Variants in PPP1R42 observed in about 807,000 individuals in gnomAD.
PPP1R42 encodes protein phosphatase 1 regulatory subunit 42.
Under a neutral mutation model 31.0 loss-of-function variants are expected in PPP1R42, and 34 were observed. The observed-to-expected ratio is 1.10, with a 90% confidence interval of 0.83 to 1.46. The LOEUF is 1.46. Ranked by LOEUF, PPP1R42 falls within the 40% of genes most tolerant of loss-of-function variation. The pLI is 0.00. For synonymous variants in PPP1R42, 103 were observed against 109.8 expected (o/e 0.94, Z 0.39); for missense variants, 268 against 303.0 (o/e 0.88, Z 0.86).
chr8:66,964,134 A>G lies in PPP1R42; in HGVS notation c.*187T>C, dbSNP rs765783096. 2.4e-6 allele frequency: 1 copy of G among 425,002 alleles called. No individual in the cohort carries two copies. The highest frequency in any genetic ancestry group is 7.1e-5 in the East Asian group (1 of 14,034). The allele number at this position is 425,002 out of a possible 1,614,324, so 26.3% of individuals were successfully genotyped here. On this transcript the variant is annotated 3_prime_UTR_variant, in exon 8 of 8. Transcript: ENST00000685739. ...GTTTTTCCTTATATTATGAGATACC[A>G]TAAAGCTACAAACCCACAAAAGATA...
At chr8:66,997,522 A>G (rs1283599272) in intron 5 of PPP1R42, among the ~76,000 whole-genome samples, 1 of 148,096 alleles carries the variant, frequency 6.8e-6, no homozygotes, top group Non-Finnish European at 1.5e-5. Flanking sequence ...AGGATTACAG[A>G]TGTGAGCCAC....
intron 5 of PPP1R42, among the ~76,000 whole-genome samples, chr8:66,996,775 A>G (rs573005919): frequency 2.9e-4 from 44 of 152,326 alleles, no homozygotes; most frequent in African/African-American, 1.1e-3. Context: ...GCATGGGGTA[A>G]AGGGTGAAGG....
At chr8:67,026,810 A>C (rs1816414763) in intron 1 of PPP1R42, 1 of 152,170 alleles carries the variant, frequency 6.6e-6, no homozygotes, top group African/African-American at 2.4e-5. Flanking sequence ...TCAGCCTGGG[A>C]AACAGAGCAT....
chr8:66,990,360 G>C (rs1281716237), intron 5 of PPP1R42, among the ~76,000 whole-genome samples: 1 of 152,074 alleles, frequency 6.6e-6, no homozygotes, highest in Non-Finnish European at 1.5e-5. Context: ...AATGACCTTC[G>C]ACATACTCCC....
At position 66,985,354 on chromosome 8, in the gene PPP1R42, C is replaced by G. The variant is rs74724675; in HGVS notation, c.670+3046G>C. 7.3e-3 allele frequency: 5,640 copies of G among 770,166 alleles called. 381 individuals carry two copies. In the East Asian group the frequency reaches 0.13, roughly 17 times the overall value. 47.7% of individuals were successfully genotyped at this position (770,166 alleles called of 1,614,324 possible). A position where few individuals can be genotyped will look rare whatever the true frequency, so the allele number is the denominator to read the frequency against. ...TCTTTTAGCTGTTGCTTGAATGGTT[C>G]CCTCCGAAGAGGGAACAGCACGAAT... is the stretch of plus-strand genomic sequence containing the variant. On this transcript the variant is annotated intron_variant, in intron 6 of 7. Transcript: ENST00000685739.
chr8:66,972,346 C>G (rs1277564401), intron 7 of PPP1R42, among the ~76,000 whole-genome samples: 2 of 152,140 alleles, frequency 1.3e-5, no homozygotes, highest in Non-Finnish European at 2.9e-5. Flanking sequence ...TTTTCTGCTG[C>G]AGCTACTCAG....
At chr8:66,985,405 G>A in intron 6 of PPP1R42, 1 of 751,694 alleles carries the variant, frequency 1.3e-6, no homozygotes. Flanking sequence ...CATGCAGTGT[G>A]TCAGCTCAAT....
At chr8:66,992,545 TG>T (rs34059596) in intron 5 of PPP1R42, among the ~76,000 whole-genome samples, 1 of 152,350 alleles carries the variant, frequency 6.6e-6, no homozygotes, top group East Asian at 1.9e-4. Context: ...GAGCTCTCAC[TG>T]GGGAGCAGGA....
chr8:66,981,902 A>G lies in PPP1R42; in HGVS notation c.802+147T>C, dbSNP rs1455297559. 6 of 786,572 alleles carry G rather than the reference A, an allele frequency of 7.6e-6. No individual in the cohort carries two copies. The East Asian group carries it at 1.7e-4, about 22-fold the overall frequency. 48.7% of individuals were successfully genotyped at this position (786,572 alleles called of 1,614,324 possible). ...ACAAGACAAATTGTACTTATGTACA[A>G]CTAAGTAAATAAGTTTTAAAAAACC... On this transcript the variant is annotated intron_variant, in intron 7 of 7. Coordinates refer to ENST00000685739, the MANE Select transcript of PPP1R42 (RefSeq NM_001364910.1).
At chr8:66,985,272 G>T (rs532351120) in intron 6 of PPP1R42, 10 of 957,436 alleles carry the variant, frequency 1.0e-5, no homozygotes, top group South Asian at 1.3e-5. Flanking sequence ...GCTGGGAAGC[G>T]ACAGTGGAGA....
intron 5 of PPP1R42, among the ~76,000 whole-genome samples, chr8:66,998,173 T>A (rs1815387675): frequency 2.0e-5 from 3 of 152,116 alleles, no homozygotes; most frequent in Admixed American, 6.5e-5. Flanking sequence ...CAGAATACAG[T>A]CTGCTAATAC....
At chr8:66,986,319 T>C (rs554375779) in intron 6 of PPP1R42, 5 of 524,228 alleles carry the variant, frequency 9.5e-6, no homozygotes, top group East Asian at 1.0e-4. Flanking sequence ...AAAGGATCCA[T>C]GGTTTCAGCT....
chr8:67,019,024 C>CG (rs1377217137), intron 1 of PPP1R42, among the ~76,000 whole-genome samples: 1 of 146,110 alleles, frequency 6.8e-6, no homozygotes, highest in Non-Finnish European at 1.5e-5. Context: ...TTAATGGAGA[C>CG]GGGGTTTCAC....
chr8:67,017,827 A>G lies in PPP1R42; in HGVS notation c.-80T>C, dbSNP rs527807408. On this transcript the variant is annotated 5_prime_UTR_variant, in exon 2 of 8. Coordinates refer to ENST00000685739, the MANE Select transcript of PPP1R42 (RefSeq NM_001364910.1). Reference sequence around the variant, plus strand: ...GAAGTAGGTTTAGGTATTATTTCCAACTTTCTGAAGATTAAAGAAAAAAGG... The same window carrying G: ...GAAGTAGGTTTAGGTATTATTTCCAGCTTTCTGAAGATTAAAGAAAAAAGG... The G allele has an allele frequency of 9.2e-5, 129 of 1,400,118 alleles. 3 individuals are homozygous for G. Among genetic ancestry groups the G allele is most frequent in the South Asian group, 6.7e-4 (34 of 50,586 alleles). 86.7% of individuals were successfully genotyped at this position (1,400,118 alleles called of 1,614,324 possible).
chr8:67,020,806 C>T (rs1300586519), intron 1 of PPP1R42, among the ~76,000 whole-genome samples: 5 of 152,154 alleles, frequency 3.3e-5, no homozygotes, highest in Non-Finnish European at 5.9e-5. Context: ...GGAAACATGC[C>T]GGGGGGCGGT....
At position 66,978,523 on chromosome 8, in the gene PPP1R42, C is replaced by T. The variant is rs1033062869; in HGVS notation, c.802+3526G>A. 3.9e-5 allele frequency among the ~76,000 whole-genome samples: 6 copies of T among 152,102 alleles called. No individual in the cohort carries two copies. In the South Asian group the frequency reaches 6.2e-4, roughly 16 times the overall value. Reference sequence around the variant, plus strand: ...CAGCTCACTGCCTCCTGGGTTCAAGCGATTCTCGTGCCTCAGCCTTCCAAG... The same window carrying T: ...CAGCTCACTGCCTCCTGGGTTCAAGTGATTCTCGTGCCTCAGCCTTCCAAG... On this transcript the variant is annotated intron_variant, in intron 7 of 7. Coordinates refer to ENST00000685739, the MANE Select transcript of PPP1R42 (RefSeq NM_001364910.1).
At chr8:67,027,973 GTT>G (rs1296587467) in intron 1 of PPP1R42, among the ~76,000 whole-genome samples, 3 of 151,994 alleles carry the variant, frequency 2.0e-5, no homozygotes, top group African/African-American at 7.2e-5. Context: ...TTTTGTTGTT[GTT>G]TTCCAGCTTT....
Position 67,028,464 on chromosome 8 carries a change from C to G in PPP1R42, c.-85+27G>C. On this transcript the variant is annotated intron_variant, in intron 1 of 7. Transcript: ENST00000685739. ...ATGGTTCTAGGGTTTCCTCGGTCCC[C>G]ACGCTTATTCCCCGCGGGCAGCTCA... The G allele has an allele frequency of 6.1e-6, 6 of 985,270 alleles. No individual in the cohort carries two copies. In the South Asian group the frequency reaches 2.8e-4, roughly 46 times the overall value. The allele number at this position is 985,270 out of a possible 1,614,324, so 61.0% of individuals were successfully genotyped here.
At chr8:67,009,154 C>T (rs1815773091) in intron 5 of PPP1R42, among the ~76,000 whole-genome samples, 1 of 152,158 alleles carries the variant, frequency 6.6e-6, no homozygotes, top group Admixed American at 6.5e-5. Context: ...TCTGTAGTCC[C>T]AGCTACTCGG....
Sources: allele counts gnomAD v4.1 joint callset (sites outside exome capture counted in the v4.1 genomes callset), GRCh38; gene constraint gnomAD v4.1.1; transcripts MANE v1.5; gene names NCBI Gene and HGNC (gene_info 2026-07-23, HGNC 2026-07-21).